DGKB: variants seen among roughly 807,000 people sequenced by gnomAD.
DGKB encodes the protein 90 kDa diacylglycerol kinase.
DGKB carries 67 observed loss-of-function variants against 114.3 expected under a neutral mutation model. That is an observed-to-expected ratio of 0.59 (90% CI 0.48 to 0.72). The LOEUF (loss-of-function observed/expected upper bound fraction) is 0.72. Ranked by LOEUF, DGKB falls within the 30% of genes least tolerant of loss-of-function variation. DGKB has a pLI of 0.00. For missense variants in DGKB, 907 were observed against 975.2 expected (o/e 0.93, Z 0.93); for synonymous variants, 398 against 323.1 (o/e 1.23, Z -2.49).
intron 23 of DGKB, among the ~76,000 whole-genome samples, chr7:14,271,027 C>A (rs1202002095): frequency 6.6e-6 from 1 of 152,142 alleles, no homozygotes; most frequent in Admixed American, 6.5e-5. Flanking sequence ...AATACAGGTA[C>A]AAGCCTAGAA....
chr7:14,402,989 C>A (rs1326115943), intron 21 of DGKB, among the ~76,000 whole-genome samples: 1 of 151,924 alleles, frequency 6.6e-6, no homozygotes, highest in Non-Finnish European at 1.5e-5. Flanking sequence ...GACATTTCAG[C>A]TCCACAATAG....
intron 1 of DGKB, among the ~76,000 whole-genome samples, chr7:14,897,662 T>C (rs1782322633): frequency 6.6e-6 from 1 of 151,946 alleles, no homozygotes; most frequent in African/African-American, 2.4e-5. Context: ...ATTTTATCCA[T>C]CATATTCCAA....
At chr7:14,663,571 CTCT>C (rs370823723) in intron 13 of DGKB, among the ~76,000 whole-genome samples, 10 of 151,704 alleles carry the variant, frequency 6.6e-5, no homozygotes, top group African/African-American at 2.4e-4. Context: ...TTCCTTCTTT[CTCT>C]TCTTCCTTTT....
chr7:14,864,979 G>A (rs1851500642), intron 1 of DGKB, among the ~76,000 whole-genome samples: 1 of 152,094 alleles, frequency 6.6e-6, no homozygotes, highest in Admixed American at 6.6e-5. Flanking sequence ...GCCTTGCATG[G>A]GTACTAGAAG....
chr7:14,565,926 T>A (rs1273445603), intron 20 of DGKB, among the ~76,000 whole-genome samples: 4 of 152,138 alleles, frequency 2.6e-5, no homozygotes, highest in African/African-American at 9.6e-5. Flanking sequence ...TTTTTCTTCA[T>A]AAATTATATT....
intron 20 of DGKB, among the ~76,000 whole-genome samples, chr7:14,482,246 A>T (rs10266998): frequency 6.6e-6 from 1 of 151,734 alleles, no homozygotes; most frequent in Non-Finnish European, 1.5e-5. Flanking sequence ...ATAAATGTTA[A>T]CTATTACTAT....
At chr7:14,279,967 A>G (rs1047276502) in intron 23 of DGKB, among the ~76,000 whole-genome samples, 6 of 152,242 alleles carry the variant, frequency 3.9e-5, no homozygotes, top group African/African-American at 1.4e-4. Context: ...CCTCCTCCAA[A>G]GGAACGCAGC....
At chr7:14,810,996 T>C (rs1386338877) in intron 2 of DGKB, among the ~76,000 whole-genome samples, 1 of 152,116 alleles carries the variant, frequency 6.6e-6, no homozygotes, top group Non-Finnish European at 1.5e-5. Context: ...TCTATAGCCA[T>C]GTGTGGCTAG....
intron 21 of DGKB, among the ~76,000 whole-genome samples, chr7:14,347,345 A>G (rs1279288899): frequency 1.3e-5 from 2 of 152,040 alleles, no homozygotes; most frequent in South Asian, 4.1e-4. Flanking sequence ...GTTAGTGAGA[A>G]AATAAATTTG....
chr7:14,683,621 CA>C (rs1662036088), intron 10 of DGKB, among the ~76,000 whole-genome samples: 1 of 151,870 alleles, frequency 6.6e-6, no homozygotes, highest in Non-Finnish European at 1.5e-5. Flanking sequence ...ATGTTGGTTC[CA>C]GATTAAGGGT....
chr7:14,256,006 G>C (rs796551775), intron 23 of DGKB, among the ~76,000 whole-genome samples: 26 of 152,220 alleles, frequency 1.7e-4, no homozygotes, highest in African/African-American at 6.0e-4. Context: ...CTTATTTCTA[G>C]CTTTTTAAGG....
intron 2 of DGKB, among the ~76,000 whole-genome samples, chr7:14,761,490 C>T (rs928302749): frequency 3.9e-5 from 6 of 152,150 alleles, no homozygotes; most frequent in African/African-American, 1.4e-4. Context: ...ACATTCCTAT[C>T]TTTTTTATTG....
chr7:14,872,700 G>T (rs1852653828), intron 1 of DGKB, among the ~76,000 whole-genome samples: 1 of 151,974 alleles, frequency 6.6e-6, no homozygotes, highest in South Asian at 2.1e-4. Flanking sequence ...CGGCCTCAAG[G>T]TTTCTTTACT....
intron 2 of DGKB, among the ~76,000 whole-genome samples, chr7:14,828,151 A>G (rs1845943937): frequency 6.6e-6 from 1 of 152,150 alleles, no homozygotes; most frequent in South Asian, 2.1e-4. Context: ...GTGATATACT[A>G]GAAAGTTTTT....
intron 23 of DGKB, among the ~76,000 whole-genome samples, chr7:14,214,925 C>A (rs1211185287): frequency 6.6e-6 from 1 of 152,126 alleles, no homozygotes; most frequent in Non-Finnish European, 1.5e-5. Flanking sequence ...GACTTCCATT[C>A]GCTCCTCCCT....
At chr7:14,829,587 A>G (rs925348434) in intron 2 of DGKB, among the ~76,000 whole-genome samples, 2 of 152,112 alleles carry the variant, frequency 1.3e-5, no homozygotes, top group African/African-American at 4.8e-5. Context: ...TGAACACTTT[A>G]GGAATGTCTG....
chr7:14,249,482 G>T (rs188844276), intron 23 of DGKB, among the ~76,000 whole-genome samples: 2 of 152,154 alleles, frequency 1.3e-5, no homozygotes, highest in Non-Finnish European at 2.9e-5. Context: ...ACTTTTCTTT[G>T]TTGGGAGGTT....
chr7:14,459,259 G>A (rs1214296351), intron 21 of DGKB, among the ~76,000 whole-genome samples: 1 of 152,104 alleles, frequency 6.6e-6, no homozygotes, highest in African/African-American at 2.4e-5. Context: ...CGGGGGAAGG[G>A]GTAGCTGTGG....
intron 1 of DGKB, among the ~76,000 whole-genome samples, chr7:14,962,636 TTGTGTGTG>T (rs71004348): frequency 0.014 from 1,981 of 142,018 alleles, 36 homozygotes; most frequent in African/African-American, 0.045. Context: ...GTGTGTGTGT[TTGTGTGTG>T]TGTGTGTGTG....
Sources: allele counts gnomAD v4.1 joint callset (sites outside exome capture counted in the v4.1 genomes callset), GRCh38; gene constraint gnomAD v4.1.1; transcripts MANE v1.5; gene names NCBI Gene and HGNC (gene_info 2026-07-23, HGNC 2026-07-21).